Variants in PTPRD observed in about 807,000 individuals in gnomAD.
PTPRD encodes the protein protein tyrosine phosphatase receptor type D, also known as receptor-type tyrosine-protein phosphatase delta.
Under a neutral mutation model 214.5 loss-of-function variants are expected in PTPRD, and 34 were observed. The ratio of observed to expected loss-of-function variants is 0.16; its 90% CI spans 0.12 to 0.21. The LOEUF is 0.21. Among genes scored for constraint, PTPRD ranks in the 10% least tolerant of loss-of-function variants. PTPRD has a pLI of 1.00. For synonymous variants in PTPRD, 1,128 were observed against 845.7 expected, an observed-to-expected ratio of 1.33 and a Z score of -5.79; for missense variants, 2,545 against 2,398.7, an observed-to-expected ratio of 1.06 and a Z score of -1.27.
At chr9:9,091,025 A>T in intron 10 of PTPRD, 3 of 1,565,190 alleles carry the variant, frequency 1.9e-6, no homozygotes, top group Middle Eastern at 1.7e-4. Context: ...GTCATTCGAA[A>T]CATAGTGGAG....
At chr9:10,580,323 T>C (rs2071269088) in intron 2 of PTPRD, among the ~76,000 whole-genome samples, 1 of 152,202 alleles carries the variant, frequency 6.6e-6, no homozygotes. Flanking sequence ...AATATTACAT[T>C]CTTTGTCTTG....
intron 9 of PTPRD, among the ~76,000 whole-genome samples, chr9:9,193,255 T>G (rs2099936325): frequency 6.6e-6 from 1 of 152,156 alleles, no homozygotes; most frequent in Admixed American, 6.6e-5. Flanking sequence ...TCATGAATAT[T>G]GCTTTACTCA....
At chr9:10,182,923 A>G (rs1409714858) in intron 3 of PTPRD, among the ~76,000 whole-genome samples, 1 of 152,174 alleles carries the variant, frequency 6.6e-6, no homozygotes, top group Non-Finnish European at 1.5e-5. Flanking sequence ...TTGATCAGAA[A>G]CAGGCTCTCA....
intron 3 of PTPRD, among the ~76,000 whole-genome samples, chr9:10,138,740 G>T (rs544348536): frequency 6.6e-6 from 1 of 152,068 alleles, no homozygotes; most frequent in East Asian, 1.9e-4. Context: ...TGCAAGGTTG[G>T]TTCAACACAT....
intron 25 of PTPRD, among the ~76,000 whole-genome samples, chr9:8,497,928 A>G (rs1171022291): frequency 1.3e-5 from 2 of 152,240 alleles, no homozygotes; most frequent in Non-Finnish European, 2.9e-5. Context: ...CACTGGTCAT[A>G]TTGTTTTCTT....
chr9:9,638,505 A>C (rs10816152), intron 7 of PTPRD, among the ~76,000 whole-genome samples: 32,406 of 152,058 alleles, frequency 0.21, 4,281 homozygotes, highest in African/African-American at 0.38. Flanking sequence ...GACATGATCA[A>C]TTAAGTAATG....
chr9:8,649,178 A>T (rs2096754977), intron 12 of PTPRD, among the ~76,000 whole-genome samples: 1 of 152,212 alleles, frequency 6.6e-6, no homozygotes, highest in South Asian at 2.1e-4. Context: ...CAACTACATG[A>T]ATTTTTAAGA....
intron 39 of PTPRD, among the ~76,000 whole-genome samples, chr9:8,354,171 T>C (rs1423542004): frequency 6.6e-6 from 1 of 151,826 alleles, no homozygotes; most frequent in East Asian, 1.9e-4. Flanking sequence ...TGCTAAGTAC[T>C]CCTTATTCTT....
intron 3 of PTPRD, among the ~76,000 whole-genome samples, chr9:10,188,939 C>A (rs1009072379): frequency 3.9e-5 from 6 of 152,056 alleles, no homozygotes; most frequent in African/African-American, 1.4e-4. Flanking sequence ...TGGGGTCACT[C>A]AGTCTGCTGT....
chr9:10,083,119 T>C (rs1204540651), intron 3 of PTPRD, among the ~76,000 whole-genome samples: 1 of 152,010 alleles, frequency 6.6e-6, no homozygotes, highest in East Asian at 1.9e-4. Flanking sequence ...TGATATTCTA[T>C]ACCCTATAAA....
intron 7 of PTPRD, among the ~76,000 whole-genome samples, chr9:9,614,035 G>C (rs78189964): frequency 0.015 from 2,271 of 152,086 alleles, 59 homozygotes; most frequent in African/African-American, 0.052. Context: ...GAAGTGTGAT[G>C]AAAATACAAT....
chr9:9,561,793 T>A (rs1374193226), intron 8 of PTPRD, among the ~76,000 whole-genome samples: 1 of 152,214 alleles, frequency 6.6e-6, no homozygotes, highest in Non-Finnish European at 1.5e-5. Flanking sequence ...TTCTTTCTCT[T>A]TCTATCTACT....
intron 11 of PTPRD, among the ~76,000 whole-genome samples, chr9:9,016,248 G>A (rs923664369): frequency 1.3e-5 from 2 of 152,072 alleles, no homozygotes. Flanking sequence ...TAAAATTACT[G>A]TGACAATTTT....
At chr9:10,165,747 T>C (rs142683347) in intron 3 of PTPRD, among the ~76,000 whole-genome samples, 2 of 151,570 alleles carry the variant, frequency 1.3e-5, no homozygotes, top group East Asian at 3.9e-4. Flanking sequence ...CTGAAATATT[T>C]AAAACATTTA....
intron 10 of PTPRD, among the ~76,000 whole-genome samples, chr9:9,031,926 G>T (rs1287009860): frequency 6.6e-6 from 1 of 151,708 alleles, no homozygotes; most frequent in Non-Finnish European, 1.5e-5. Flanking sequence ...ACTACCTATT[G>T]GTCTTATCTA....
intron 9 of PTPRD, among the ~76,000 whole-genome samples, chr9:9,206,663 C>A (rs559993230): frequency 6.6e-6 from 1 of 152,302 alleles, no homozygotes. Flanking sequence ...GCTGAGTCTT[C>A]CTGCCTTCAT....
intron 9 of PTPRD, among the ~76,000 whole-genome samples, chr9:9,191,412 C>T (rs2099935086): frequency 1.3e-5 from 2 of 152,012 alleles, no homozygotes; most frequent in South Asian, 2.1e-4. Context: ...ATTGCAGTCT[C>T]GTGAGAGGTC....
At chr9:10,508,149 A>T (rs2046686514) in intron 2 of PTPRD, among the ~76,000 whole-genome samples, 1 of 152,266 alleles carries the variant, frequency 6.6e-6, no homozygotes. Context: ...ATGAACAGAC[A>T]CTTCTCAAAA....
intron 2 of PTPRD, among the ~76,000 whole-genome samples, chr9:10,551,572 C>T (rs1362447136): frequency 2.0e-5 from 3 of 152,070 alleles, no homozygotes; most frequent in African/African-American, 7.3e-5. Flanking sequence ...AGCTGCCTTG[C>T]CCTCTCCACA....
Sources: allele counts gnomAD v4.1 joint callset (sites outside exome capture counted in the v4.1 genomes callset), GRCh38; gene constraint gnomAD v4.1.1; transcripts MANE v1.5; gene names NCBI Gene and HGNC (gene_info 2026-07-23, HGNC 2026-07-21).